DHX16: variants seen among roughly 807,000 people sequenced by gnomAD.
DHX16 encodes the protein DEAH-box helicase 16, also known as pre-mRNA-splicing factor ATP-dependent RNA helicase DHX16.
In DHX16, 81 loss-of-function variants were observed where a neutral mutation model predicts 131.2. That is an observed-to-expected ratio of 0.62 (90% confidence interval 0.52 to 0.74). DHX16 has a LOEUF of 0.74. Ranked by LOEUF, DHX16 falls within the 30% of genes least tolerant of loss-of-function variation. DHX16 has a pLI of 0.00. For synonymous variants in DHX16, 440 were observed against 520.2 expected, an observed-to-expected ratio of 0.85 and a Z score of 2.10; for missense variants, 980 against 1,363.1, an observed-to-expected ratio of 0.72 and a Z score of 4.43.
chr6:30,671,164 G>A lies in DHX16; in HGVS notation c.318C>T (p.Ser106=). Residue 106 remains serine (S), a synonymous_variant, in exon 2 of 20, where the codon AGC becomes AGT. Transcript: ENST00000376442. The part of the protein sequence containing the change: ...SYRLLEDSEE[S]SEETVSRAGS... ...CAGCCCTACTCACAGTCTCCTCACT[G>A]CTCTCTTCACTGTCTTCCAGTAACC... The A allele has an allele frequency of 6.2e-7, 1 of 1,612,920 alleles. No homozygotes were observed. Among genetic ancestry groups the A allele is most frequent in the Non-Finnish European group, 8.5e-7 (1 of 1,180,014 alleles).
At position 30,656,019 on chromosome 6, in the gene DHX16, T is replaced by C. The variant is rs745627087; in HGVS notation, c.2498+179A>G. On this transcript the variant is annotated intron_variant, in intron 16 of 19. Transcript: ENST00000376442. This position sits in a 1 kb window ranked among gnomAD's most constrained non-coding sequence, Gnocchi z 5.1. ...GGGCCGGGCGCAGTGGAATCAAGGA[T>C]AGGATCAAGTGTCTTACCCTTGTGG... Among the ~76,000 whole-genome samples, 2 of 152,120 alleles carry C rather than the reference T, an allele frequency of 1.3e-5. No individual in the cohort carries two copies. Among genetic ancestry groups the C allele is most frequent in the Non-Finnish European group, 2.9e-5 (2 of 68,026 alleles).
intron 12 of DHX16, among the ~76,000 whole-genome samples, chr6:30,658,815 G>A (rs1341422690): frequency 6.6e-6 from 1 of 152,110 alleles, no homozygotes. Flanking sequence ...TTCACCACAT[G>A]AACCTCCCAC....
At position 30,656,676 on chromosome 6, in the gene DHX16, C is replaced by T. The variant is rs572902324; in HGVS notation, c.2232G>A (p.Gln744=). Residue 744 remains glutamine, a synonymous_variant, in exon 14 of 20, where the codon CAG becomes CAA. Coordinates refer to ENST00000376442, the MANE Select transcript of DHX16 (RefSeq NM_003587.5). This position sits in a 1 kb window ranked among gnomAD's most constrained non-coding sequence, Gnocchi z 5.1. ...GCACTGTGGTTTCCTCAAGCTCGTG[C>T]TGATAGGCCCAGGCGGTATACAGGC... The part of the protein sequence containing the change: ...CFRLYTAWAY[Q]HELEETTVPE... 1 of 1,613,988 alleles carries T rather than the reference C, an allele frequency of 6.2e-7. No individual in the cohort carries two copies. Among genetic ancestry groups the T allele is most frequent in the African/African-American group, 1.3e-5 (1 of 75,048 alleles).
chr6:30,671,062 A>T lies in DHX16; in HGVS notation c.420T>A (p.Ala140=), dbSNP rs1313847110. 6.8e-6 allele frequency: 11 copies of T among 1,612,896 alleles called. No homozygotes were observed. The highest frequency in any genetic ancestry group is 1.3e-5 in the African/African-American group (1 of 74,948). Residue 140 remains alanine, a synonymous_variant, in exon 2 of 20, where the codon GCT becomes GCA. Coordinates refer to ENST00000376442, the MANE Select transcript of DHX16 (RefSeq NM_003587.5). ...CTGTTTTCTTCTTCCCTTTCTCAGA[A>T]GCCTCTTCCTCCTCTTCTTCCTCAC... ...KKREEEEEEE[A]SEKGKKKTGG... is the part of the protein sequence containing the mutation.
At chr6:30,667,232 C>T (rs1031382416) in intron 4 of DHX16, among the ~76,000 whole-genome samples, 1 of 152,240 alleles carries the variant, frequency 6.6e-6, no homozygotes, top group African/African-American at 2.4e-5. Context: ...TGAGGAAAAG[C>T]TCTTCTTTAT....
At chr6:30,660,265 A>G (rs1768382506) in intron 9 of DHX16, 23 bp from the exon 10 acceptor site, 1 of 1,513,086 alleles carries the variant, frequency 6.6e-7, no homozygotes, top group Non-Finnish European at 8.9e-7. Flanking sequence ...TAGGAGAGCA[A>G]TGAGGGAAGA....
In DHX16 at chr6:30,655,292, A is replaced by G. The variant is rs34057232; in HGVS notation, c.2706T>C (p.Phe902=). ...GYSSQWCYEN[F]VQFRSMRRAR... ...CTCGGCGCATCGATCTGAACTGTAC[A>G]AAGTTCTCATAGCACCACTGGGAAG... is the stretch of plus-strand genomic sequence containing the variant. The change falls in exon 18 of 20, where the codon TTT becomes TTC. Residue 902 remains phenylalanine, a synonymous_variant. Transcript: ENST00000376442. 0.016 allele frequency: 25,568 copies of G among 1,614,166 alleles called. 268 individuals are homozygous for G. The highest frequency in any genetic ancestry group is 0.019 in the Non-Finnish European group (22,686 of 1,180,034).
Position 30,653,245 on chromosome 6 carries a change from C to T in DHX16, c.3123G>A (p.Gly1041=), listed in dbSNP as rs772640089. ...KKIGKTREEL[G] is the part of the protein sequence containing the mutation. ...AGGTTCTGTTTACGTCCTTCTCTTA[C>T]CCTAGCTCTTCTCGTGTTTTGCCTA... The change falls in exon 20 of 20, where the codon GGG becomes GGA. Residue 1041 remains glycine (G), a synonymous_variant. Transcript: ENST00000376442. The T allele has an allele frequency of 1.4e-5, 22 of 1,612,784 alleles. No homozygotes were observed. The highest frequency in any genetic ancestry group is 5.1e-6 in the Non-Finnish European group (6 of 1,179,984).
chr6:30,661,071 G>T (rs1349909442), intron 9 of DHX16, among the ~76,000 whole-genome samples: 1 of 147,884 alleles, frequency 6.8e-6, no homozygotes, highest in African/African-American at 2.5e-5. Flanking sequence ...CTAATTTTTT[G>T]TATTTTTAGT....
chr6:30,667,369 T>C (rs1244029188), intron 4 of DHX16, among the ~76,000 whole-genome samples: 1 of 151,936 alleles, frequency 6.6e-6, no homozygotes, highest in Non-Finnish European at 1.5e-5. Flanking sequence ...GATCACGAAG[T>C]CAGGAGATCG....
At position 30,653,465 on chromosome 6, in the gene DHX16, C is replaced by A. The variant is rs549822282; in HGVS notation, c.2998-95G>T. 530 of 1,398,172 alleles carry A rather than the reference C, an allele frequency of 3.8e-4. 9 individuals carry two copies. In the South Asian group the frequency reaches 5.0e-3, roughly 13 times the overall value. The allele number at this position is 1,398,172 out of a possible 1,614,324, so 86.6% of individuals were successfully genotyped here. A position where few individuals can be genotyped will look rare whatever the true frequency, so the allele number is the denominator to read the frequency against. On this transcript the variant is annotated intron_variant, in intron 19 of 19. Transcript: ENST00000376442. ...TTTCTTAAATTGAAACAGAGTCTTG[C>A]TCTATTGCCCAGGCTGGACTGCAGT... is the stretch of plus-strand genomic sequence containing the variant.
intron 9 of DHX16, 114 bp from the exon 10 acceptor site, chr6:30,660,356 G>A: frequency 2.3e-6 from 2 of 852,798 alleles, no homozygotes; most frequent in South Asian, 2.7e-5. Flanking sequence ...AAGAATGACT[G>A]TTGACGGAGG....
chr6:30,665,731 G>A lies in DHX16; in HGVS notation c.669C>T (p.Val223=), dbSNP rs370281500. Residue 223 remains valine (V), a splice_region_variant and synonymous_variant, in exon 5 of 20, where the codon GTC becomes GTT. Coordinates refer to ENST00000376442, the MANE Select transcript of DHX16 (RefSeq NM_003587.5). This position sits in a 1 kb window ranked among gnomAD's most constrained non-coding sequence, Gnocchi z 4.8. ...GGCGAGATTTCTTCCGCAGCTCAGG[G>A]ACCTGAGTTGGGAAAGGACAGTCGA... is the stretch of plus-strand genomic sequence containing the variant. The part of the protein sequence containing the change: ...KMAEEDRKAM[V]PELRKKSRRE... The A allele has an allele frequency of 7.5e-6, 12 of 1,608,224 alleles. No homozygotes were observed. The highest frequency in any genetic ancestry group is 1.3e-5 in the African/African-American group (1 of 74,922).
rs916771861 is a variant in DHX16 at position 30,660,063 on chromosome 6, C to T, written c.1724G>A (p.Arg575His). ...GTAGAAGATGTCCACAGGAAACCTGCGTCCGGGGATTCGAAACACAGGGGC... is the reference window on the plus strand; with the variant it reads ...GTAGAAGATGTCCACAGGAAACCTGTGTCCGGGGATTCGAAACACAGGGGC... ...DDAPVFRIPG[R>H]RFPVDIFYTK... is the part of the protein sequence containing the mutation. Residue 575 changes from arginine to histidine, a missense_variant, in exon 10 of 20, where the codon CGC becomes CAC. Physicochemically the swap from Arg to His is conservative, Grantham distance 29. Transcript: ENST00000376442. 5.0e-6 allele frequency: 8 copies of T among 1,612,788 alleles called. No homozygotes were observed. Among genetic ancestry groups the T allele is most frequent in the Non-Finnish European group, 6.8e-6 (8 of 1,179,890 alleles).
In DHX16 at chr6:30,656,740, G is replaced by A; in HGVS notation, c.2168C>T (p.Ala723Val). ...PCSKASANQR[A>V]GRAGRVAAGK... ...TGCAGCCACCCGACCTGCCCTGCCA[G>A]CTCGCTGATTGGCTGAGGCCTGGAA... The change falls in exon 14 of 20, where the codon GCT becomes GTT. Residue 723 changes from alanine (A) to valine (V), a missense_variant. Ala to Val is a moderately conservative substitution (Grantham distance 64). This residue lies in a region of DHX16 where 309 missense variants were observed against 537.1 expected (regional missense o/e 0.58). Transcript: ENST00000376442. The surrounding 1 kb of genome is among the most constrained non-coding windows in gnomAD (Gnocchi z 5.1). 6.2e-7 allele frequency: 1 copy of A among 1,612,584 alleles called. No homozygotes were observed. Among genetic ancestry groups the A allele is most frequent in the Non-Finnish European group, 8.5e-7 (1 of 1,180,036 alleles).
intron 4 of DHX16, among the ~76,000 whole-genome samples, chr6:30,669,083 C>T (rs1296607574): frequency 6.6e-6 from 1 of 151,464 alleles, no homozygotes; most frequent in Admixed American, 6.6e-5. Flanking sequence ...TCAGCCTGAG[C>T]AACAAGTGCA....
rs1241636419 is a variant in DHX16 at position 30,655,529 on chromosome 6, C to T, written c.2567G>A (p.Arg856Gln). 9.9e-6 allele frequency: 16 copies of T among 1,612,980 alleles called. No individual in the cohort carries two copies. The South Asian group carries it at 1.1e-4, about 11-fold the overall frequency. ...AGCATGGACGACCTTGTCCTTTGGT[C>T]GGTAGAAGATGGAGTTGTTGACAGA... is the stretch of plus-strand genomic sequence containing the variant. ...MLSVNNSIFY[R>Q]PKDKVVHADN... Residue 856 changes from arginine to glutamine, a missense_variant, in exon 17 of 20, where the codon CGA (arginine) becomes CAA (glutamine). By Grantham distance (43) the Arg-to-Gln change is conservative. Coordinates refer to ENST00000376442, the MANE Select transcript of DHX16 (RefSeq NM_003587.5).
chr6:30,660,160 G>A lies in DHX16; in HGVS notation c.1627C>T (p.Arg543Ter), dbSNP rs752685685. Residue 543 changes from arginine to a stop codon, truncating the protein, a stop_gained, in exon 10 of 20, where the codon CGA (arginine) becomes TGA (stop). Transcript: ENST00000376442. LOFTEE classifies it high-confidence loss of function. ...GCCACCAGGACCTTGAGCTCAGGTCGGAAGCGAGCAACATCCTTGATCAAT... is the reference window on the plus strand; with the variant it reads ...GCCACCAGGACCTTGAGCTCAGGTCAGAAGCGAGCAACATCCTTGATCAAT... ...FGLIKDVARF[R>*]PELKVLVASA... 14 of 1,596,854 alleles carry A rather than the reference G, an allele frequency of 8.8e-6. No individual in the cohort carries two copies. The highest frequency in any genetic ancestry group is 1.1e-5 in the South Asian group (1 of 88,832).
chr6:30,661,054 T>G (rs1213955956), intron 9 of DHX16, among the ~76,000 whole-genome samples: 1 of 144,322 alleles, frequency 6.9e-6, no homozygotes, highest in East Asian at 2.2e-4. Context: ...CCTGCCACTG[T>G]GCCTGGCTAA....
Sources: gnomAD v4.1 joint callset for allele counts (sites outside exome capture counted in the v4.1 genomes callset) on GRCh38, gnomAD v4.1.1 for gene constraint, gnomAD v4.1.1 regional missense constraint, Gnocchi (gnomAD v3.1) non-coding constraint, MANE v1.5 for transcripts, NCBI Gene and HGNC (gene_info 2026-07-23, HGNC 2026-07-21) for gene names.